The following CNTN1 variants were observed in gnomAD, a reference collection of about 807,000 sequenced individuals.
CNTN1 encodes contactin 1.
A neutral mutation model predicts 126.4 loss-of-function variants in CNTN1; 38 were observed. That is an observed-to-expected ratio of 0.30 (90% CI 0.23 to 0.39). The LOEUF (loss-of-function observed/expected upper bound fraction) is 0.39. CNTN1 is among the 10% of genes least tolerant of loss of function. The probability of loss-of-function intolerance (pLI) is 1.00; values close to 1 mark genes in which losing one functional copy is unlikely to be tolerated. For missense variants in CNTN1, 1,009 were observed against 1,248.4 expected, an observed-to-expected ratio of 0.81 and a Z score of 2.89; for synonymous variants, 413 against 422.6, an observed-to-expected ratio of 0.98 and a Z score of 0.28.
chr12:41,040,733 A>G (rs1298508390), intron 23 of CNTN1, among the ~76,000 whole-genome samples: 2 of 151,834 alleles, frequency 1.3e-5, no homozygotes, highest in Non-Finnish European at 2.9e-5. Context: ...ATTGGTGTAT[A>G]AGAATGCTTG....
At chr12:40,745,149 G>A (rs565741847) in intron 1 of CNTN1, among the ~76,000 whole-genome samples, 1 of 152,126 alleles carries the variant, frequency 6.6e-6, no homozygotes, top group Non-Finnish European at 1.5e-5. Context: ...TCTTCATTTT[G>A]TTCTGCCAAA....
At chr12:41,002,536 G>A (rs183618724) in intron 17 of CNTN1, among the ~76,000 whole-genome samples, 26 of 151,280 alleles carry the variant, frequency 1.7e-4, no homozygotes, top group African/African-American at 6.1e-4. Flanking sequence ...AAGCTTTTGG[G>A]CTGAGACTAT....
At chr12:41,051,147 T>G (rs74540811) in intron 23 of CNTN1, among the ~76,000 whole-genome samples, 5 of 137,034 alleles carry the variant, frequency 3.6e-5, no homozygotes, top group African/African-American at 1.4e-4. Context: ...TTTGTGATCT[T>G]TTTTTTTTTT....
At chr12:40,777,158 A>G (rs984776381) in intron 1 of CNTN1, among the ~76,000 whole-genome samples, 1 of 151,292 alleles carries the variant, frequency 6.6e-6, no homozygotes, top group African/African-American at 2.4e-5. Flanking sequence ...CTTTCTCCAG[A>G]CTCTATCTCC....
chr12:40,750,597 G>A (rs985404051), intron 1 of CNTN1, among the ~76,000 whole-genome samples: 1 of 151,948 alleles, frequency 6.6e-6, no homozygotes, highest in African/African-American at 2.4e-5. Context: ...GAACCCAGGA[G>A]TTTAAGAACA....
At chr12:41,043,766 T>C (rs550403140) in intron 23 of CNTN1, among the ~76,000 whole-genome samples, 25 of 151,418 alleles carry the variant, frequency 1.7e-4, no homozygotes, top group African/African-American at 6.1e-4. Flanking sequence ...CCAACAATGA[T>C]AGACTGGATT....
intron 17 of CNTN1, among the ~76,000 whole-genome samples, chr12:40,997,535 A>G (rs1322604199): frequency 6.6e-6 from 1 of 152,230 alleles, no homozygotes; most frequent in Non-Finnish European, 1.5e-5. Context: ...CTGGTAAGGT[A>G]CTATGTGATG....
rs150265335 is a variant in CNTN1, at chr12:40,921,097, T to C, written c.228-1159T>C. Reference sequence around the variant, plus strand: ...TGGGGGAAGAGGAAGGCTTTATTCATTGGATTGTAATTTAGTAAGTTTTAA... The same window carrying C: ...TGGGGGAAGAGGAAGGCTTTATTCACTGGATTGTAATTTAGTAAGTTTTAA... On this transcript the variant is annotated intron_variant, in intron 4 of 23. Coordinates refer to ENST00000551295, the MANE Select transcript of CNTN1 (RefSeq NM_001843.4). 2.3e-4 allele frequency among the ~76,000 whole-genome samples: 35 copies of C among 152,360 alleles called. 1 individual carries two copies. Among genetic ancestry groups the C allele is most frequent in the African/African-American group, 7.9e-4 (33 of 41,594 alleles).
chr12:40,886,094 C>A (rs73124566), intron 1 of CNTN1, among the ~76,000 whole-genome samples: 37,881 of 151,814 alleles, frequency 0.25, 4,998 homozygotes, highest in South Asian at 0.35. Flanking sequence ...TATTTAAATC[C>A]ATTTTCTTTG....
intron 15 of CNTN1, among the ~76,000 whole-genome samples, chr12:40,960,566 T>C (rs966831707): frequency 6.6e-6 from 1 of 152,108 alleles, no homozygotes; most frequent in Non-Finnish European, 1.5e-5. Context: ...TTTGAATATA[T>C]TCTCCAATAG....
Position 40,728,308 on chromosome 12 carries a change from C to T in CNTN1, c.-77+35716C>T, listed in dbSNP as rs1942409146. Among the ~76,000 whole-genome samples the T allele has an allele frequency of 3.3e-5, 5 of 152,112 alleles. No individual in the cohort carries two copies. The South Asian group carries it at 6.2e-4, about 19-fold the overall frequency. ...CTCTGCTTTTTCTCCCTGCCTGTCCCGCTCCATAGTATCCTAAGCGTGTGG... is the reference window on the plus strand; with the variant it reads ...CTCTGCTTTTTCTCCCTGCCTGTCCTGCTCCATAGTATCCTAAGCGTGTGG... On this transcript the variant is annotated intron_variant, in intron 1 of 23. Transcript: ENST00000551295.
At chr12:40,805,460 G>GAAATTCTT (rs928655825) in intron 1 of CNTN1, among the ~76,000 whole-genome samples, 2 of 151,936 alleles carry the variant, frequency 1.3e-5, no homozygotes, top group Non-Finnish European at 2.9e-5. Context: ...GTCTATCAAA[G>GAAATTCTT]AAATTCTTAA....
chr12:40,940,791 G>T (rs1296387954), intron 12 of CNTN1, among the ~76,000 whole-genome samples: 1 of 152,206 alleles, frequency 6.6e-6, no homozygotes, highest in East Asian at 1.9e-4. Flanking sequence ...GGGTTGTTAA[G>T]ATTTTAACAA....
intron 1 of CNTN1, among the ~76,000 whole-genome samples, chr12:40,825,751 A>G (rs192275306): frequency 6.6e-6 from 1 of 152,166 alleles, no homozygotes; most frequent in East Asian, 1.9e-4. Context: ...AGGATTTACT[A>G]TCTCCACAGT....
intron 23 of CNTN1, among the ~76,000 whole-genome samples, chr12:41,047,082 T>G (rs1033487553): frequency 6.6e-6 from 1 of 151,812 alleles, no homozygotes. Flanking sequence ...TACCAAGATC[T>G]CCCCTTTGCA....
Position 40,924,515 on chromosome 12 carries a change from G to T in CNTN1, c.401-42G>T. 3 of 1,020,062 alleles carry T rather than the reference G, an allele frequency of 2.9e-6. No homozygotes were observed. In the South Asian group the frequency reaches 4.0e-5, roughly 13 times the overall value. The allele number at this position is 1,020,062 out of a possible 1,614,324, so 63.2% of individuals were successfully genotyped here. ...ATTGATGAATGTCTCTCTTTCTATT[G>T]ACCAGAGAGTGAATGTTTCTCTTTT... On this transcript the variant is annotated intron_variant, in intron 5 of 23. Coordinates refer to ENST00000551295, the MANE Select transcript of CNTN1 (RefSeq NM_001843.4).
Position 40,993,058 on chromosome 12 carries a change from G to A in CNTN1, c.1964-62G>A, listed in dbSNP as rs1948130715. 3 of 1,450,198 alleles carry A rather than the reference G, an allele frequency of 2.1e-6. No individual in the cohort carries two copies. In the Admixed American group the frequency reaches 5.1e-5, roughly 25 times the overall value. 89.8% of individuals were successfully genotyped at this position (1,450,198 alleles called of 1,614,324 possible). ...TCCCTGAAATAGTAAAATAAAAAGG[G>A]AAGTTATAAAAGTGATAAGTTAATC... On this transcript the variant is annotated intron_variant, in intron 16 of 23. Transcript: ENST00000551295.
intron 1 of CNTN1, among the ~76,000 whole-genome samples, chr12:40,786,514 C>T (rs117409779): frequency 0.023 from 3,457 of 152,190 alleles, 50 homozygotes; most frequent in Middle Eastern, 0.068. Context: ...GCTGAGATGG[C>T]TGAAGGGACT....
intron 15 of CNTN1, among the ~76,000 whole-genome samples, chr12:40,962,235 G>A (rs1238870413): frequency 2.0e-5 from 3 of 151,988 alleles, no homozygotes; most frequent in African/African-American, 7.2e-5. Flanking sequence ...CAGTGTTGCT[G>A]CCCTAATCAA....
Sources: allele counts gnomAD v4.1 joint callset (sites outside exome capture counted in the v4.1 genomes callset), GRCh38; gene constraint gnomAD v4.1.1; transcripts MANE v1.5; gene names NCBI Gene and HGNC (gene_info 2026-07-23, HGNC 2026-07-21).